Variants in TAPBPL observed in about 807,000 individuals in gnomAD.
TAPBPL encodes TAP binding protein like.
A neutral mutation model predicts 44.8 loss-of-function variants in TAPBPL; 32 were observed. The ratio of observed to expected loss-of-function variants is 0.71; its 90% CI spans 0.54 to 0.96. The LOEUF (loss-of-function observed/expected upper bound fraction) is 0.96. Among genes scored for constraint, TAPBPL ranks in the 40% least tolerant of loss-of-function variants. The probability of loss-of-function intolerance (pLI) is 0.00; values close to 1 mark genes in which losing one functional copy is unlikely to be tolerated. For missense variants in TAPBPL, 520 were observed against 586.6 expected, an observed-to-expected ratio of 0.89 and a Z score of 1.17; for synonymous variants, 230 against 240.7, an observed-to-expected ratio of 0.96 and a Z score of 0.41.
At chr12:6,464,559 C>A, downstream of TAPBPL, 2 of 1,464,536 alleles carry the variant, frequency 1.4e-6, no homozygotes, top group Non-Finnish European at 9.0e-7. Flanking sequence ...GTGAATTACA[C>A]CAAGTTACCA....
At chr12:6,469,358 G>A (rs1945710648), downstream of TAPBPL, among the ~76,000 whole-genome samples, 1 of 152,156 alleles carries the variant, frequency 6.6e-6, no homozygotes, top group South Asian at 2.1e-4. Context: ...TAGCCACCAC[G>A]ATTTTTCTGT....
Position 6,461,226 on chromosome 12 carries a change from A to G in TAPBPL, c.1291+288A>G, listed in dbSNP as rs538989838. 8.9e-6 allele frequency: 11 copies of G among 1,242,188 alleles called. No individual in the cohort carries two copies. In the South Asian group the frequency reaches 1.1e-4, roughly 13 times the overall value. 76.9% of individuals were successfully genotyped at this position (1,242,188 alleles called of 1,614,324 possible). ...AGTCAAGTCACAGAGCTAAAAATAC[A>G]TGAAGGTGGCACCAGCTCATGGGGC... is the stretch of plus-strand genomic sequence containing the variant. On this transcript the variant is annotated intron_variant, in intron 6 of 6. Coordinates refer to ENST00000266556, the MANE Select transcript of TAPBPL (RefSeq NM_018009.5).
chr12:6,469,228 C>A (rs974661161), downstream of TAPBPL, among the ~76,000 whole-genome samples: 1 of 152,186 alleles, frequency 6.6e-6, no homozygotes, highest in East Asian at 1.9e-4. Flanking sequence ...GCTAGCTAAG[C>A]AATCTAGCTC....
Position 6,453,721 on chromosome 12 carries a change from G to T in TAPBPL, c.565+5G>T. 1 of 1,582,506 alleles carries T rather than the reference G, an allele frequency of 6.3e-7. No individual in the cohort carries two copies. On this transcript the variant is annotated splice_donor_5th_base_variant and intron_variant, in intron 3 of 6. Coordinates refer to ENST00000266556, the MANE Select transcript of TAPBPL (RefSeq NM_018009.5). This position sits in a 1 kb window ranked among gnomAD's most constrained non-coding sequence, Gnocchi z 4.8. ...AGGGGACTGTGCGAACTGCAGGTAA[G>T]AAAATGAAAAGCAAGGCCAGGTGTG...
At position 6,458,708 on chromosome 12, in the gene TAPBPL, T is replaced by C. The variant is rs369046711; in HGVS notation, c.968T>C (p.Ile323Thr). 62 of 1,614,132 alleles carry C rather than the reference T, an allele frequency of 3.8e-5. No individual in the cohort carries two copies. The highest frequency in any genetic ancestry group is 4.8e-5 in the Non-Finnish European group (57 of 1,180,016). ...CTGCTGCCCACCCTCATCTGCGACA[T>C]TGCTGGCTATTACCCTCTGGATGTG... ...EALLPTLICD[I>T]AGYYPLDVVV... is the part of the protein sequence containing the mutation. Residue 323 changes from isoleucine (I) to threonine (T), a missense_variant, in exon 5 of 7, where the codon ATT becomes ACT. Ile to Thr is a moderately conservative substitution (Grantham distance 89). Coordinates refer to ENST00000266556, the MANE Select transcript of TAPBPL (RefSeq NM_018009.5).
chr12:6,452,134 A>C lies in TAPBPL; in HGVS notation c.-115A>C. ...CAGAGGGAACAGGGAAGAAACCTAA[A>C]GGCTGCAGGCTGCCAGGTGTGCTTG... On this transcript the variant is annotated 5_prime_UTR_variant, in exon 1 of 7. Transcript: ENST00000266556. 1 of 1,279,776 alleles carries C rather than the reference A, an allele frequency of 7.8e-7. No homozygotes were observed. Among genetic ancestry groups the C allele is most frequent in the Non-Finnish European group, 1.1e-6 (1 of 904,362 alleles). 79.3% of individuals were successfully genotyped at this position (1,279,776 alleles called of 1,614,324 possible).
downstream of TAPBPL, chr12:6,470,457 G>A (rs1035584206): frequency 3.4e-4 from 544 of 1,605,522 alleles, no homozygotes; most frequent in Non-Finnish European, 4.3e-4. Context: ...GCCATTTTCC[G>A]TCCCGCAGAA....
downstream of TAPBPL, chr12:6,465,373 A>AC (rs1565525991): frequency 6.7e-3 from 704 of 104,442 alleles, 28 homozygotes; most frequent in Admixed American, 0.021. Flanking sequence ...TATATATATA[A>AC]ATGTATATAT....
intron 5 of TAPBPL, 94 bp from the exon 6 acceptor site, chr12:6,460,761 T>C: frequency 3.3e-6 from 4 of 1,219,308 alleles, no homozygotes; most frequent in Non-Finnish European, 4.8e-6. Context: ...ACACAATCCT[T>C]AGCTCCTCCT....
At chr12:6,470,444 T>A, downstream of TAPBPL, 1 of 1,594,656 alleles carries the variant, frequency 6.3e-7, no homozygotes, top group Non-Finnish European at 8.6e-7. Context: ...GCTGCTGCAT[T>A]GCGCCATTTT....
chr12:6,471,520 T>C, the TAPBPL span, among the ~76,000 whole-genome samples: 1 of 152,168 alleles, frequency 6.6e-6, no homozygotes, highest in Non-Finnish European at 1.5e-5. This position sits in a 1 kb window ranked among gnomAD's most constrained non-coding sequence, Gnocchi z 4.0. Context: ...CATTATTTTA[T>C]GTCCCGCTAA....
At chr12:6,464,344 T>C (rs1259295891), downstream of TAPBPL, 4 of 1,550,408 alleles carry the variant, frequency 2.6e-6, no homozygotes, top group Non-Finnish European at 3.5e-6. Context: ...AAAGGAGGAA[T>C]GGGTGATGGA....
rs536470210 is a variant in TAPBPL at position 6,458,838 on chromosome 12, C to T, written c.1098C>T (p.Ser366=). 2.0e-5 allele frequency: 33 copies of T among 1,614,144 alleles called. No individual in the cohort carries two copies. In the South Asian group the frequency reaches 3.6e-4, roughly 18 times the overall value. ...RQSVAGTYSI[S]SSLTAEPGSA... ...GCGTGGCAGGCACCTACAGCATCTC[C>T]TCCTCTCTCACCGCAGAACCTGGCT... The change falls in exon 5 of 7, where the codon TCC becomes TCT. Residue 366 remains serine, a synonymous_variant. Coordinates refer to ENST00000266556, the MANE Select transcript of TAPBPL (RefSeq NM_018009.5).
downstream of TAPBPL, chr12:6,464,449 C>G (rs915375675): frequency 1.3e-6 from 2 of 1,565,572 alleles, no homozygotes; most frequent in South Asian, 2.4e-5. Flanking sequence ...CAATGGACAA[C>G]AGGGAAGGGG....
At chr12:6,457,276 A>C in intron 3 of TAPBPL, 130 bp from the exon 4 acceptor site, 1 of 836,438 alleles carries the variant, frequency 1.2e-6, no homozygotes, top group Non-Finnish European at 1.8e-6. Flanking sequence ...CATGTGATGG[A>C]AAATAAGCTC....
At chr12:6,464,065 C>T, downstream of TAPBPL, 2 of 1,300,072 alleles carry the variant, frequency 1.5e-6, no homozygotes, top group Non-Finnish European at 2.0e-6. Flanking sequence ...CTAGCTCCTA[C>T]CAGTGGCCAG....
downstream of TAPBPL, chr12:6,466,578 T>G: frequency 2.4e-6 from 1 of 411,634 alleles, no homozygotes; most frequent in Non-Finnish European, 4.4e-6. Flanking sequence ...CTTAAACAAT[T>G]ATGATTAGGC....
At chr12:6,455,643 A>G (rs562005227) in intron 3 of TAPBPL, among the ~76,000 whole-genome samples, 4 of 152,298 alleles carry the variant, frequency 2.6e-5, no homozygotes, top group Non-Finnish European at 5.9e-5. Flanking sequence ...AGTCTCAACT[A>G]TAAAGTCCAG....
downstream of TAPBPL, among the ~76,000 whole-genome samples, chr12:6,467,783 A>T (rs1945663812): frequency 1.3e-5 from 2 of 152,218 alleles, no homozygotes; most frequent in Non-Finnish European, 2.9e-5. Context: ...TGTGCAGCCT[A>T]GGGACTTAGT....
Sources: allele counts gnomAD v4.1 joint callset (sites outside exome capture counted in the v4.1 genomes callset), GRCh38; gene constraint gnomAD v4.1.1; non-coding constraint Gnocchi (gnomAD v3.1); transcripts MANE v1.5; gene names NCBI Gene and HGNC (gene_info 2026-07-23, HGNC 2026-07-21).